Variants in R3HDM1 observed in about 807,000 individuals in gnomAD.
R3HDM1 encodes R3H domain-containing protein 1.
A neutral mutation model predicts 141.1 loss-of-function variants in R3HDM1; 46 were observed. The ratio of observed to expected loss-of-function variants is 0.33; its 90% CI spans 0.26 to 0.42. R3HDM1 has a LOEUF of 0.42. Ranked by LOEUF, R3HDM1 falls within the 10% of genes least tolerant of loss-of-function variation. The pLI is 1.00. For missense variants in R3HDM1, 1,184 were observed against 1,368.3 expected (o/e 0.87, Z 2.12); for synonymous variants, 435 against 472.9 (o/e 0.92, Z 1.04).
chr2:135,581,565 G>T (rs1359908063), intron 1 of R3HDM1, among the ~76,000 whole-genome samples: 1 of 152,090 alleles, frequency 6.6e-6, no homozygotes, highest in African/African-American at 2.4e-5. Context: ...GGATGATTTA[G>T]GATTGTTTAT....
intron 21 of R3HDM1, among the ~76,000 whole-genome samples, chr2:135,685,496 T>C (rs2071174498): frequency 6.6e-6 from 1 of 152,226 alleles, no homozygotes. Flanking sequence ...ACATTTAATA[T>C]TACAACTGAT....
In R3HDM1 at chr2:135,636,197, T is replaced by C. The variant is rs373721382; in HGVS notation, c.903+14T>C. 5.2e-5 allele frequency: 83 copies of C among 1,608,256 alleles called. No homozygotes were observed. Among genetic ancestry groups the C allele is most frequent in the Admixed American group, 8.5e-5 (5 of 58,910 alleles). On this transcript the variant is annotated intron_variant, in intron 11 of 26. Transcript: ENST00000683871. ...TTTTCCCAAGATGTACGTACTAACTTACTTAGGTCTTCATGTTAGAGTATA... is the reference window on the plus strand; with the variant it reads ...TTTTCCCAAGATGTACGTACTAACTCACTTAGGTCTTCATGTTAGAGTATA...
At position 135,645,491 on chromosome 2, in the gene R3HDM1, A is replaced by G; in HGVS notation, c.1587A>G (p.Pro529=). 6.2e-7 allele frequency: 1 copy of G among 1,613,996 alleles called. No individual in the cohort carries two copies. The highest frequency in any genetic ancestry group is 8.5e-7 in the Non-Finnish European group (1 of 1,179,972). The change falls in exon 16 of 27, where the codon CCA becomes CCG. Residue 529 remains proline, a synonymous_variant. Transcript: ENST00000683871. ...CTCCACAGCCACCTCTGCCAGCCCC[A>G]CCTCAACAACCAGCAGCTAATCACA... ...PGPPQPPLPA[P]PQQPAANHIF... is the part of the protein sequence containing the mutation.
At chr2:135,659,196 C>A (rs548634493) in intron 18 of R3HDM1, among the ~76,000 whole-genome samples, 1 of 152,028 alleles carries the variant, frequency 6.6e-6, no homozygotes, top group Non-Finnish European at 1.5e-5. Context: ...CTCCCAGATT[C>A]AAGCAATTCT....
chr2:135,572,866 CTT>C (rs1704456811), intron 1 of R3HDM1, among the ~76,000 whole-genome samples: 1 of 152,160 alleles, frequency 6.6e-6, no homozygotes, highest in African/African-American at 2.4e-5. Flanking sequence ...TTGGATGACT[CTT>C]GATATCACTG....
chr2:135,555,483 T>G (rs1196408806), intron 1 of R3HDM1, among the ~76,000 whole-genome samples: 1 of 152,078 alleles, frequency 6.6e-6, no homozygotes, highest in Non-Finnish European at 1.5e-5. Context: ...GTCATTTTGG[T>G]GAGTCTGGAA....
chr2:135,680,869 A>T (rs1330404542), intron 21 of R3HDM1, among the ~76,000 whole-genome samples: 1 of 152,198 alleles, frequency 6.6e-6, no homozygotes, highest in East Asian at 1.9e-4. Context: ...TGTGCCTAAA[A>T]ATTAGGCCAA....
chr2:135,638,889 A>G lies in R3HDM1; in HGVS notation c.993-7A>G, dbSNP rs1236075503. Reference sequence around the variant, plus strand: ...TAGCTTTTCAAGGTTTTATTTCTAAATTACAGAGTTAATAAAGATGCTTCA... The same window carrying G: ...TAGCTTTTCAAGGTTTTATTTCTAAGTTACAGAGTTAATAAAGATGCTTCA... On this transcript the variant is annotated splice_region_variant and splice_polypyrimidine_tract_variant and intron_variant, in intron 13 of 26. Coordinates refer to ENST00000683871, the MANE Select transcript of R3HDM1 (RefSeq NM_001378107.1). 1 of 1,613,182 alleles carries G rather than the reference A, an allele frequency of 6.2e-7. No homozygotes were observed. The highest frequency in any genetic ancestry group is 8.5e-7 in the Non-Finnish European group (1 of 1,179,710).
intron 18 of R3HDM1, among the ~76,000 whole-genome samples, chr2:135,659,153 A>C (rs1201990338): frequency 6.6e-6 from 1 of 151,650 alleles, no homozygotes; most frequent in Admixed American, 6.6e-5. Context: ...GCTGGAATGC[A>C]ATGGCACGAT....
intron 1 of R3HDM1, among the ~76,000 whole-genome samples, chr2:135,568,000 C>T (rs1038234202): frequency 2.0e-5 from 3 of 150,746 alleles, no homozygotes; most frequent in African/African-American, 7.4e-5. Flanking sequence ...GATCCTCCTG[C>T]CTTGGCCTCC....
chr2:135,603,145 A>G (rs2059756629), intron 2 of R3HDM1, among the ~76,000 whole-genome samples: 1 of 152,008 alleles, frequency 6.6e-6, no homozygotes, highest in African/African-American at 2.4e-5. Context: ...ACGTGCTACC[A>G]TGCCCAGCTA....
chr2:135,650,029 CG>C (rs1289972664), intron 17 of R3HDM1, 26 bp downstream of exon 17: 1 of 1,207,250 alleles, frequency 8.3e-7, no homozygotes, highest in African/African-American at 1.6e-5. Flanking sequence ...TCACCTCCTG[CG>C]TTGTTTCTGT....
chr2:135,627,963 C>T (rs186492575), intron 7 of R3HDM1, among the ~76,000 whole-genome samples: 242 of 152,112 alleles, frequency 1.6e-3, no homozygotes, highest in African/African-American at 4.6e-3. Context: ...ATTGTTAGCC[C>T]TTCATTTTAG....
At chr2:135,594,414 C>T (rs1053271154) in intron 1 of R3HDM1, among the ~76,000 whole-genome samples, 21 of 152,168 alleles carry the variant, frequency 1.4e-4, no homozygotes, top group African/African-American at 4.1e-4. Context: ...ATTTGCATCA[C>T]TCTCACTCAT....
chr2:135,610,967 A>G lies in R3HDM1; in HGVS notation c.172-5185A>G, dbSNP rs374666312. On this transcript the variant is annotated intron_variant, in intron 3 of 26. Coordinates refer to ENST00000683871, the MANE Select transcript of R3HDM1 (RefSeq NM_001378107.1). ...AAAAATAAAAATAAAAAAATTATTC[A>G]TGCGTCACGGTACATACCTGTAGTC... Among the ~76,000 whole-genome samples the G allele has an allele frequency of 3.9e-5, 6 of 152,026 alleles. No individual in the cohort carries two copies. The East Asian group carries it at 1.2e-3, about 29-fold the overall frequency.
At chr2:135,665,247 A>G (rs1001383841) in intron 19 of R3HDM1, 1 of 320,920 alleles carries the variant, frequency 3.1e-6, no homozygotes. Flanking sequence ...TAGTATAAAG[A>G]AACTTTCTGC....
chr2:135,704,929 G>C (rs138133202), intron 21 of R3HDM1, among the ~76,000 whole-genome samples: 4 of 151,956 alleles, frequency 2.6e-5, no homozygotes, highest in Non-Finnish European at 4.4e-5. Flanking sequence ...CATTTAGGTC[G>C]TATCTTTTTA....
chr2:135,586,708 C>T, intron 1 of R3HDM1: 1 of 985,334 alleles, frequency 1.0e-6, no homozygotes, highest in Non-Finnish European at 1.2e-6. Context: ...AAAGTAGAGT[C>T]ATTTACTTCT....
intron 25 of R3HDM1, 55 bp from the exon 26 acceptor site, chr2:135,722,414 A>G: frequency 1.9e-6 from 3 of 1,569,140 alleles, no homozygotes; most frequent in Non-Finnish European, 2.6e-6. Context: ...TAAACATCCA[A>G]AGTGTGTTTT....
Sources: allele counts gnomAD v4.1 joint callset (sites outside exome capture counted in the v4.1 genomes callset), GRCh38; gene constraint gnomAD v4.1.1; transcripts MANE v1.5; gene names NCBI Gene and HGNC (gene_info 2026-07-23, HGNC 2026-07-21).